The following PRR5L variants were observed in gnomAD, a reference collection of about 807,000 sequenced individuals.
PRR5L encodes the protein proline-rich protein 5-like.
Under a neutral mutation model 36.4 loss-of-function variants are expected in PRR5L, and 21 were observed. The observed-to-expected ratio is 0.58, with a 90% CI of 0.41 to 0.83. The LOEUF is 0.83. Ranked by LOEUF, PRR5L falls within the 40% of genes least tolerant of loss-of-function variation. PRR5L has a pLI of 0.00. For missense variants in PRR5L, 381 were observed against 473.3 expected, an observed-to-expected ratio of 0.80 and a Z score of 1.81; for synonymous variants, 188 against 197.0, an observed-to-expected ratio of 0.95 and a Z score of 0.38.
intron 1 of PRR5L, among the ~76,000 whole-genome samples, chr11:36,368,796 T>C (rs1857170188): frequency 1.3e-5 from 2 of 152,226 alleles, no homozygotes. Context: ...AATATAGTTA[T>C]TTTCCATAAA....
At chr11:36,380,002 C>G (rs1040877433) in intron 1 of PRR5L, among the ~76,000 whole-genome samples, 4 of 152,154 alleles carry the variant, frequency 2.6e-5, no homozygotes, top group African/African-American at 9.7e-5. Context: ...TGAACTCAAG[C>G]GTCTTGCTCT....
chr11:36,324,394 A>G (rs1009368774), intron 1 of PRR5L, among the ~76,000 whole-genome samples: 1 of 152,214 alleles, frequency 6.6e-6, no homozygotes, highest in East Asian at 1.9e-4. Context: ...AGTGAAGGCA[A>G]TAGACTGGAA....
chr11:36,360,756 T>C (rs911540640), intron 1 of PRR5L, among the ~76,000 whole-genome samples: 1 of 152,232 alleles, frequency 6.6e-6, no homozygotes, highest in Non-Finnish European at 1.5e-5. Flanking sequence ...AGGTATATGT[T>C]ATTACTCAAG....
chr11:36,409,343 C>T (rs539744586), intron 3 of PRR5L, among the ~76,000 whole-genome samples: 2 of 152,264 alleles, frequency 1.3e-5, no homozygotes, highest in South Asian at 4.1e-4. Flanking sequence ...AGACAGGAAA[C>T]GCACATTTTC....
chr11:36,352,608 A>G (rs1856987091), intron 1 of PRR5L, among the ~76,000 whole-genome samples: 1 of 152,128 alleles, frequency 6.6e-6, no homozygotes, highest in Non-Finnish European at 1.5e-5. Flanking sequence ...CTTCAGGACC[A>G]GTAATTAGAT....
intron 1 of PRR5L, among the ~76,000 whole-genome samples, chr11:36,361,855 G>C (rs1030376096): frequency 1.3e-5 from 2 of 152,194 alleles, no homozygotes; most frequent in Admixed American, 1.3e-4. Flanking sequence ...AAATGGAATG[G>C]CTGTTAAAGA....
rs115678586 is a variant in PRR5L at position 36,440,594 on chromosome 11, G to A, written c.444+3118G>A. Among the ~76,000 whole-genome samples, 676 of 152,260 alleles carry A rather than the reference G, an allele frequency of 4.4e-3. 5 individuals are homozygous for A. The highest frequency in any genetic ancestry group is 0.015 in the African/African-American group (635 of 41,562). On this transcript the variant is annotated intron_variant, in intron 6 of 8. Coordinates refer to ENST00000530639, the MANE Select transcript of PRR5L (RefSeq NM_001160167.2). ...GAAGAAATGAGGGAGGGGGAGCAGC[G>A]CCAAAGAGGAACAAAGTGGTTCAAA...
intron 1 of PRR5L, among the ~76,000 whole-genome samples, chr11:36,312,846 C>G (rs1055884718): frequency 2.2e-4 from 33 of 152,268 alleles, no homozygotes; most frequent in Non-Finnish European, 4.4e-5. Flanking sequence ...ACCCTGACCC[C>G]TCTACTTGAG....
chr11:36,427,861 G>A (rs1858413664), intron 4 of PRR5L, among the ~76,000 whole-genome samples: 1 of 152,202 alleles, frequency 6.6e-6, no homozygotes, highest in Non-Finnish European at 1.5e-5. Flanking sequence ...CACCAGACTG[G>A]TGTGGGGATG....
chr11:36,424,775 A>T (rs2133589924), intron 4 of PRR5L, among the ~76,000 whole-genome samples: 1 of 152,146 alleles, frequency 6.6e-6, no homozygotes, highest in Non-Finnish European at 1.5e-5. Flanking sequence ...TCTGTTAGAG[A>T]AGCAAAGTTT....
chr11:36,296,462 G>A (rs1856312456), intron 1 of PRR5L, 24 bp downstream of exon 1: 1 of 152,228 alleles, frequency 6.6e-6, no homozygotes, highest in Non-Finnish European at 1.5e-5. Context: ...GACAATGAGA[G>A]CTTGGGGCTA....
chr11:36,403,465 T>TTC, intron 3 of PRR5L, 87 bp downstream of exon 3: 1 of 586,156 alleles, frequency 1.7e-6, no homozygotes, highest in Non-Finnish European at 2.6e-6. Context: ...CCTTAAGGGT[T>TTC]TTTTTTTTTT....
rs1856961284 is a variant in PRR5L, at chr11:36,351,571, TTATATAAA to T, written c.-125-49419_-125-49412del. Among the ~76,000 whole-genome samples the T allele has an allele frequency of 3.3e-4, 9 of 27,510 alleles. 3 individuals are homozygous for T. Among genetic ancestry groups the T allele is most frequent in the African/African-American group, 7.2e-4 (4 of 5,522 alleles). 18.0% of individuals were successfully genotyped at this position (27,510 alleles called of 152,430 possible). ...TATATATATTTATATATTTATATATTTATATAAATATATATTTATATATTTATATAAAT... is the reference window on the plus strand; with the variant it reads ...TATATATATTTATATATTTATATATTTATATATTTATATATTTATATAAAT... On this transcript the variant is annotated intron_variant, in intron 1 of 8. Transcript: ENST00000530639.
chr11:36,440,014 G>A (rs971908583), intron 6 of PRR5L, among the ~76,000 whole-genome samples: 1 of 152,146 alleles, frequency 6.6e-6, no homozygotes, highest in African/African-American at 2.4e-5. Flanking sequence ...CTAAGAGATG[G>A]CTAAGTCCTG....
intron 5 of PRR5L, among the ~76,000 whole-genome samples, chr11:36,432,987 G>C (rs1858532406): frequency 6.6e-6 from 1 of 152,082 alleles, no homozygotes; most frequent in Admixed American, 6.5e-5. Context: ...GCACATTTGA[G>C]AGTTGGCTGA....
Position 36,433,575 on chromosome 11 carries a change from G to A in PRR5L, c.352+1665G>A, listed in dbSNP as rs1481855745. On this transcript the variant is annotated intron_variant, in intron 5 of 8. Coordinates refer to ENST00000530639, the MANE Select transcript of PRR5L (RefSeq NM_001160167.2). ...CTTTTGCTTCTTTTTTTGAGACAGA[G>A]TCTCACTTCTGTGGCCCAGGCTGGA... Among the ~76,000 whole-genome samples, 5 of 152,156 alleles carry A rather than the reference G, an allele frequency of 3.3e-5. No individual in the cohort carries two copies. In the East Asian group the frequency reaches 5.8e-4, roughly 18 times the overall value.
intron 1 of PRR5L, among the ~76,000 whole-genome samples, chr11:36,315,034 AT>A (rs1856541403): frequency 1.3e-5 from 2 of 152,188 alleles, no homozygotes; most frequent in Admixed American, 6.5e-5. Context: ...TCTAAGTTGG[AT>A]TTCTCACAGT....
intron 8 of PRR5L, among the ~76,000 whole-genome samples, chr11:36,452,718 C>A (rs548845500): frequency 6.6e-6 from 1 of 152,198 alleles, no homozygotes; most frequent in East Asian, 1.9e-4. Flanking sequence ...GCTGTCAGGA[C>A]GTCAGCAGGT....
intron 3 of PRR5L, among the ~76,000 whole-genome samples, chr11:36,408,860 A>G (rs575390616): frequency 5.9e-5 from 9 of 152,342 alleles, no homozygotes; most frequent in Admixed American, 3.3e-4. Context: ...CAATGTTCTT[A>G]TAAGTGCTTT....
Sources: gnomAD v4.1 joint callset for allele counts (sites outside exome capture counted in the v4.1 genomes callset) on GRCh38, gnomAD v4.1.1 for gene constraint, MANE v1.5 for transcripts, NCBI Gene and HGNC (gene_info 2026-07-23, HGNC 2026-07-21) for gene names.